Variants in UMAD1 observed in about 807,000 individuals in gnomAD.
UMAD1 encodes the protein UBAP1-MVB12-associated (UMA) domain containing 1, also known as UBAP1-MVB12-associated (UMA)-domain containing protein 1.
In UMAD1, 8 loss-of-function variants were observed where a neutral mutation model predicts 6.1. That is an observed-to-expected ratio of 1.30 (90% confidence interval 0.76 to 2.35). UMAD1 has a LOEUF of 2.35. UMAD1 is among the 30% of genes most tolerant of loss of function. The pLI is 0.00. For missense variants in UMAD1, 130 were observed against 78.4 expected, an observed-to-expected ratio of 1.66 and a Z score of -2.49; for synonymous variants, 56 against 31.4, an observed-to-expected ratio of 1.78 and a Z score of -2.61.
intron 3 of UMAD1, among the ~76,000 whole-genome samples, chr7:7,875,584 A>G (rs189295649): frequency 6.6e-6 from 1 of 152,362 alleles, no homozygotes; most frequent in Non-Finnish European, 1.5e-5. Context: ...AAGCTAGAAA[A>G]TCTAGAAGAA....
chr7:7,814,701 A>T (rs372922329), intron 3 of UMAD1, among the ~76,000 whole-genome samples: 1 of 152,048 alleles, frequency 6.6e-6, no homozygotes, highest in Non-Finnish European at 1.5e-5. Flanking sequence ...AATTTTAATC[A>T]TCTTTTGCTC....
At chr7:7,833,986 G>A (rs1783513715) in intron 3 of UMAD1, among the ~76,000 whole-genome samples, 1 of 147,948 alleles carries the variant, frequency 6.8e-6, no homozygotes. Flanking sequence ...ATCTACCCAA[G>A]TATCCCTAAC....
intron 2 of UMAD1, among the ~76,000 whole-genome samples, chr7:7,747,321 A>G (rs1445165813): frequency 6.6e-6 from 1 of 152,172 alleles, no homozygotes; most frequent in Non-Finnish European, 1.5e-5. Flanking sequence ...ATGGCACCTC[A>G]TTTGTTTAAC....
At chr7:7,800,167 G>A (rs547843124) in intron 2 of UMAD1, among the ~76,000 whole-genome samples, 2 of 152,376 alleles carry the variant, frequency 1.3e-5, no homozygotes, top group Admixed American at 6.5e-5. Context: ...ACAGGTGTGA[G>A]CCACCATGCC....
chr7:7,763,851 A>G (rs1173016011), intron 2 of UMAD1, among the ~76,000 whole-genome samples: 1 of 152,254 alleles, frequency 6.6e-6, no homozygotes, highest in East Asian at 1.9e-4. Flanking sequence ...TACAGCCTCT[A>G]GGAAGATACA....
intron 3 of UMAD1, among the ~76,000 whole-genome samples, chr7:7,829,755 C>G (rs1007934612): frequency 6.6e-6 from 1 of 152,110 alleles, no homozygotes; most frequent in Non-Finnish European, 1.5e-5. Context: ...ATTTTGTTGT[C>G]ACCAAACCTA....
At chr7:7,810,659 G>T (rs1783003304) in intron 3 of UMAD1, among the ~76,000 whole-genome samples, 1 of 152,088 alleles carries the variant, frequency 6.6e-6, no homozygotes, top group South Asian at 2.1e-4. Context: ...TCTTTCCAGT[G>T]TTCTGATCTT....
intron 3 of UMAD1, among the ~76,000 whole-genome samples, chr7:7,846,441 A>T (rs11769349): frequency 1.3e-5 from 2 of 152,174 alleles, no homozygotes; most frequent in Non-Finnish European, 2.9e-5. Context: ...TGCAAGAGAT[A>T]TTACAATTCA....
At chr7:7,660,848 G>A (rs902361128) in intron 1 of UMAD1, among the ~76,000 whole-genome samples, 1 of 152,168 alleles carries the variant, frequency 6.6e-6, no homozygotes, top group Non-Finnish European at 1.5e-5. Flanking sequence ...ATGTTGGCCT[G>A]TCTTGCTAGG....
chr7:7,707,164 C>A (rs1302022570), intron 2 of UMAD1, among the ~76,000 whole-genome samples: 1 of 152,112 alleles, frequency 6.6e-6, no homozygotes, highest in Non-Finnish European at 1.5e-5. Flanking sequence ...ATGGAATAAA[C>A]AGGCAAAATC....
At chr7:7,737,400 C>T (rs962435865) in intron 2 of UMAD1, among the ~76,000 whole-genome samples, 2 of 152,220 alleles carry the variant, frequency 1.3e-5, no homozygotes, top group Non-Finnish European at 2.9e-5. Flanking sequence ...TTCTCTCCAG[C>T]AGAAACCTCA....
At chr7:7,736,051 T>C (rs1781353946) in intron 2 of UMAD1, 1 of 152,304 alleles carries the variant, frequency 6.6e-6, no homozygotes, top group African/African-American at 2.4e-5. Flanking sequence ...GAGATGTCTT[T>C]TGAATGTTGC....
chr7:7,814,055 C>T (rs1172926770), intron 3 of UMAD1, among the ~76,000 whole-genome samples: 1 of 152,000 alleles, frequency 6.6e-6, no homozygotes, highest in Non-Finnish European at 1.5e-5. Flanking sequence ...GTGATCTCGG[C>T]TCACTGCAAC....
chr7:7,773,785 T>G (rs904005669), intron 2 of UMAD1, among the ~76,000 whole-genome samples: 1 of 152,144 alleles, frequency 6.6e-6, no homozygotes, highest in Non-Finnish European at 1.5e-5. Context: ...TTTATTTCAG[T>G]TAGGGGAATT....
intron 2 of UMAD1, among the ~76,000 whole-genome samples, chr7:7,756,973 A>G (rs1417797038): frequency 6.6e-6 from 1 of 152,228 alleles, no homozygotes; most frequent in Non-Finnish European, 1.5e-5. Flanking sequence ...CCAGTTTGAC[A>G]GAATAGCTAC....
rs1027921911 is a variant in UMAD1, at chr7:7,689,795, A to G, written c.82+16342A>G. 3.9e-5 allele frequency among the ~76,000 whole-genome samples: 6 copies of G among 152,310 alleles called. No individual in the cohort carries two copies. In the East Asian group the frequency reaches 1.2e-3, roughly 29 times the overall value. On this transcript the variant is annotated intron_variant, in intron 2 of 3. Coordinates refer to ENST00000682710, the MANE Select transcript of UMAD1 (RefSeq NM_001302348.2). ...GTCATAAGTAAACATTTTGAATGGT[A>G]TACTCACTGCCATCAGAAATGTTGT...
Position 7,673,196 on chromosome 7 carries a change from T to C in UMAD1, c.-63-113T>C, listed in dbSNP as rs1171238022. On this transcript the variant is annotated intron_variant, in intron 1 of 3. Transcript: ENST00000682710. ...AGGCTCATGGTTTTACATGTGGCCA[T>C]AGAATTCCTAAGAGTAACTATTGTT... 14 of 748,798 alleles carry C rather than the reference T, an allele frequency of 1.9e-5. No individual in the cohort carries two copies. The East Asian group carries it at 3.8e-4, about 20-fold the overall frequency. The allele number at this position is 748,798 out of a possible 1,614,324, so 46.4% of individuals were successfully genotyped here.
At chr7:7,667,583 A>G (rs2115100175) in intron 1 of UMAD1, among the ~76,000 whole-genome samples, 1 of 152,260 alleles carries the variant, frequency 6.6e-6, no homozygotes, top group East Asian at 1.9e-4. Context: ...TGGCCTATCC[A>G]CTTAATGAAT....
intron 2 of UMAD1, among the ~76,000 whole-genome samples, chr7:7,798,331 T>C (rs765140395): frequency 2.6e-5 from 4 of 152,216 alleles, no homozygotes; most frequent in Non-Finnish European, 4.4e-5. Flanking sequence ...ATTTACTCAC[T>C]CTAAATAAAA....
Sources: allele counts gnomAD v4.1 joint callset (sites outside exome capture counted in the v4.1 genomes callset), GRCh38; gene constraint gnomAD v4.1.1; transcripts MANE v1.5; gene names NCBI Gene and HGNC (gene_info 2026-07-23, HGNC 2026-07-21).